IFT140: variants seen among roughly 807,000 people sequenced by gnomAD.
The protein encoded by IFT140 is intraflagellar transport protein 140 homolog.
A neutral mutation model predicts 164.6 loss-of-function variants in IFT140; 133 were observed. The ratio of observed to expected loss-of-function variants is 0.81; its 90% CI spans 0.70 to 0.93. The LOEUF (loss-of-function observed/expected upper bound fraction) is 0.93, where lower values mean the gene tolerates loss of function less well. Ranked by LOEUF, IFT140 falls within the 40% of genes least tolerant of loss-of-function variation. The probability of loss-of-function intolerance (pLI) is 0.00; values close to 1 mark genes in which losing one functional copy is unlikely to be tolerated. For synonymous variants in IFT140, 860 were observed against 817.3 expected, an observed-to-expected ratio of 1.05 and a Z score of -0.89; for missense variants, 2,045 against 1,972.3, an observed-to-expected ratio of 1.04 and a Z score of -0.70.
At chr16:1,528,111 C>T (rs754571164) in intron 19 of IFT140, among the ~76,000 whole-genome samples, 2 of 152,118 alleles carry the variant, frequency 1.3e-5, no homozygotes, top group African/African-American at 2.4e-5. Context: ...AGGGAGATCC[C>T]GCCCCAAGGG....
At chr16:1,579,859 G>C (rs1167010622) in intron 13 of IFT140, among the ~76,000 whole-genome samples, 1 of 151,868 alleles carries the variant, frequency 6.6e-6, no homozygotes, top group African/African-American at 2.4e-5. Context: ...AGCTACTCAG[G>C]AGGCTGAGGC....
chr16:1,557,790 C>T, intron 19 of IFT140, 145 bp downstream of exon 19: 11 of 803,922 alleles, frequency 1.4e-5, no homozygotes, highest in South Asian at 6.7e-5. Context: ...AGCATTTCAT[C>T]GAGTGGGAAG....
At chr16:1,541,472 T>C (rs1228512639) in intron 19 of IFT140, 6 of 985,244 alleles carry the variant, frequency 6.1e-6, no homozygotes, top group South Asian at 4.7e-5. Flanking sequence ...CCTGAGGAGC[T>C]GGCCCCCCGC....
At chr16:1,525,049 A>AC in intron 22 of IFT140, 133 bp from the exon 23 acceptor site, 2 of 1,358,000 alleles carry the variant, frequency 1.5e-6, no homozygotes, top group Non-Finnish European at 2.0e-6. Flanking sequence ...AAGAGTGAGG[A>AC]CCCCTGGCTT....
At chr16:1,592,624 TCCCGGC>T in intron 4 of IFT140, 36 bp from the exon 5 acceptor site, 1 of 1,588,030 alleles carries the variant, frequency 6.3e-7, no homozygotes. Flanking sequence ...AGGACAGGTG[TCCCGGC>T]AGAGCGACTG....
chr16:1,588,527 A>AAATAATAATAAT (rs56785842), intron 7 of IFT140, among the ~76,000 whole-genome samples: 4,446 of 145,412 alleles, frequency 0.031, 270 homozygotes, highest in African/African-American at 0.11. Context: ...TCCGTCTCAA[A>AAATAATAATAAT]AATAATAATA....
chr16:1,589,507 T>C, intron 7 of IFT140, 98 bp downstream of exon 7: 2 of 1,268,084 alleles, frequency 1.6e-6, no homozygotes, highest in East Asian at 4.7e-5. Context: ...AGGCTTTTTT[T>C]CAGTCTTGCT....
Position 1,520,801 on chromosome 16 carries a change from TC to T in IFT140, c.3460del (p.Glu1154LysfsTer11). The T allele has an allele frequency of 6.2e-7, 1 of 1,602,892 alleles. No individual in the cohort carries two copies. Among genetic ancestry groups the T allele is most frequent in the Non-Finnish European group, 8.5e-7 (1 of 1,179,830 alleles). On this transcript the variant is annotated frameshift_variant, in exon 27 of 31. Transcript: ENST00000426508. LOFTEE classifies it high-confidence loss of function. ...CTGCCCCAGGCACAGCTGCAGGGCT[TC>T]CTGATACTGCAAAGGTGCAGAAATG... The part of the protein sequence containing the change: ...ELLLAARKYQ[E>X]ALQLCLGQNM...
In IFT140 at chr16:1,510,919, A is replaced by C; in HGVS notation, c.*25T>G. 1 of 1,599,646 alleles carries C rather than the reference A, an allele frequency of 6.3e-7. No homozygotes were observed. The highest frequency in any genetic ancestry group is 1.1e-5 in the South Asian group (1 of 89,294). The stretch of plus-strand genomic sequence containing the variant: ...CCAGAAGATGCCTTTCTGCAGCAGC[A>C]CGCTGGTCCTGGGGCCCAGGCCCCT... On this transcript the variant is annotated 3_prime_UTR_variant, in exon 31 of 31. Transcript: ENST00000426508.
chr16:1,594,058 T>TATC (rs2035327550), intron 4 of IFT140, among the ~76,000 whole-genome samples: 1 of 152,224 alleles, frequency 6.6e-6, no homozygotes, highest in Non-Finnish European at 1.5e-5. Context: ...CATGCTGGGT[T>TATC]ATCATCCAAG....
chr16:1,575,879 C>G (rs2034250629), intron 13 of IFT140, among the ~76,000 whole-genome samples: 1 of 152,182 alleles, frequency 6.6e-6, no homozygotes, highest in Non-Finnish European at 1.5e-5. Flanking sequence ...CCCTGCAGGC[C>G]ACTGGTGCCT....
chr16:1,606,679 C>T (rs1326083979), intron 3 of IFT140, among the ~76,000 whole-genome samples: 1 of 152,132 alleles, frequency 6.6e-6, no homozygotes, highest in Admixed American at 6.5e-5. Context: ...AGGCTGGTCT[C>T]GAACCCCTAA....
chr16:1,576,287 A>T lies in IFT140; in HGVS notation c.1524+4472T>A, dbSNP rs1286361243. On this transcript the variant is annotated intron_variant, in intron 13 of 30. Transcript: ENST00000426508. ...GGCAACAGAGTGAGACTCTGTCTTT[A>T]AAAAAAAAAAAAAAAAAAGTATGGC... 7.3e-5 allele frequency among the ~76,000 whole-genome samples: 6 copies of T among 82,676 alleles called. No individual in the cohort carries two copies. The East Asian group carries it at 1.1e-3, about 15-fold the overall frequency. The allele number at this position is 82,676 out of a possible 152,430, so 54.2% of individuals were successfully genotyped here.
intron 19 of IFT140, among the ~76,000 whole-genome samples, chr16:1,539,875 AG>A (rs2141274624): frequency 6.6e-6 from 1 of 152,250 alleles, no homozygotes; most frequent in Admixed American, 6.5e-5. Flanking sequence ...CCCGTGCCCC[AG>A]GGTCCTTCAT....
intron 30 of IFT140, among the ~76,000 whole-genome samples, chr16:1,511,788 C>T (rs972912780): frequency 6.6e-6 from 1 of 151,998 alleles, no homozygotes; most frequent in Admixed American, 6.6e-5. Context: ...TACATGCTGA[C>T]AAACCACCTG....
intron 15 of IFT140, among the ~76,000 whole-genome samples, chr16:1,567,240 G>A (rs8043662): frequency 0.02 from 3,117 of 152,248 alleles, 100 homozygotes; most frequent in African/African-American, 0.072. Flanking sequence ...CCGACCCTTT[G>A]ATTCATCTTC....
rs2035844277 is a variant in IFT140 at position 1,602,471 on chromosome 16, T to C, written c.268A>G (p.Lys90Glu). 1 of 1,614,170 alleles carries C rather than the reference T, an allele frequency of 6.2e-7. No homozygotes were observed. The change falls in exon 4 of 31, where the codon AAG (lysine) becomes GAG (glutamate). Residue 90 changes from lysine to glutamate, a missense_variant. Lys to Glu is a moderately conservative substitution (Grantham distance 56). Coordinates refer to ENST00000426508, the MANE Select transcript of IFT140 (RefSeq NM_014714.4). ...ATCGTGTGCTGCTCCTTGTCCTGCT[T>C]GTTAAACACCGTCACTTCTCCAGTC... ...WETGEVTVFN[K>E]QDKEQHTMPL...
At position 1,520,362 on chromosome 16, in the gene IFT140, GGGCTCA is replaced by G; in HGVS notation, c.3661-25_3661-20del. The G allele has an allele frequency of 6.2e-7, 1 of 1,612,732 alleles. No individual in the cohort carries two copies. The highest frequency in any genetic ancestry group is 8.5e-7 in the Non-Finnish European group (1 of 1,179,584). ...TCATGGCCTAGGCAGAGAGACAGCG[GGGCTCA>G]GGCAAGCAGGGGCTGGGCCGGGACA... is the stretch of plus-strand genomic sequence containing the variant. On this transcript the variant is annotated intron_variant, in intron 27 of 30. Transcript: ENST00000426508.
rs1009089942 is a variant in IFT140, at chr16:1,552,992, T to C, written c.2399+4943A>G. ...TAATAAAACAGAAGTATCCAGGAGCTACCCATGTATAAGAAGCTCCATGAA... is the reference window on the plus strand; with the variant it reads ...TAATAAAACAGAAGTATCCAGGAGCCACCCATGTATAAGAAGCTCCATGAA... On this transcript the variant is annotated intron_variant, in intron 19 of 30. Transcript: ENST00000426508. 5.1e-6 allele frequency: 5 copies of C among 985,242 alleles called. No homozygotes were observed. The African/African-American group carries it at 8.7e-5, about 17-fold the overall frequency. The allele number at this position is 985,242 out of a possible 1,614,324, so 61.0% of individuals were successfully genotyped here. A position where few individuals can be genotyped will look rare whatever the true frequency, so the allele number is the denominator to read the frequency against.
Sources: gnomAD v4.1 joint callset for allele counts (sites outside exome capture counted in the v4.1 genomes callset) on GRCh38, gnomAD v4.1.1 for gene constraint, MANE v1.5 for transcripts, NCBI Gene and HGNC (gene_info 2026-07-23, HGNC 2026-07-21) for gene names.